CHST15: variants seen among roughly 807,000 people sequenced by gnomAD.
CHST15 encodes carbohydrate sulfotransferase 15.
In CHST15, 30 loss-of-function variants were observed where a neutral mutation model predicts 53.6. That is an observed-to-expected ratio of 0.56 (90% CI 0.42 to 0.76). The LOEUF (loss-of-function observed/expected upper bound fraction) is 0.76. CHST15 is among the 30% of genes least tolerant of loss of function. The probability of loss-of-function intolerance (pLI) is 0.00; values close to 1 mark genes in which losing one functional copy is unlikely to be tolerated. For synonymous variants in CHST15, 296 were observed against 289.8 expected, an observed-to-expected ratio of 1.02 and a Z score of -0.22; for missense variants, 627 against 740.5, an observed-to-expected ratio of 0.85 and a Z score of 1.78.
chr10:124,034,595 C>A (rs533203749), intron 5 of CHST15, among the ~76,000 whole-genome samples: 2 of 141,948 alleles, frequency 1.4e-5, no homozygotes, highest in African/African-American at 2.9e-5. Context: ...GGGACCCTGG[C>A]TCCACCCCCT....
chr10:124,053,444 C>A (rs1352275263), intron 1 of CHST15, among the ~76,000 whole-genome samples: 1 of 152,106 alleles, frequency 6.6e-6, no homozygotes, highest in African/African-American at 2.4e-5. Context: ...CCCGCTGGAT[C>A]CCAGCCAATT....
chr10:124,017,114 A>G (rs1241138661), intron 6 of CHST15, among the ~76,000 whole-genome samples: 2 of 152,142 alleles, frequency 1.3e-5, no homozygotes, highest in African/African-American at 4.8e-5. Context: ...CATATTAGAT[A>G]TTAGCTCTTC....
Position 124,018,094 on chromosome 10 carries a change from G to A in CHST15, c.1347+3162C>T, listed in dbSNP as rs542957273. 2.0e-5 allele frequency among the ~76,000 whole-genome samples: 3 copies of A among 152,368 alleles called. No homozygotes were observed. The East Asian group carries it at 5.8e-4, about 29-fold the overall frequency. On this transcript the variant is annotated intron_variant, in intron 6 of 7. Coordinates refer to ENST00000435907, the MANE Select transcript of CHST15 (RefSeq NM_001270764.2). ...GCACCAAGCTCTTCCTTCCCTGAAA[G>A]GAGGCCCCTATCAAAGATGGGACAA...
At chr10:124,027,971 A>C (rs1055346523) in intron 5 of CHST15, among the ~76,000 whole-genome samples, 4 of 152,228 alleles carry the variant, frequency 2.6e-5, no homozygotes, top group Non-Finnish European at 5.9e-5. Flanking sequence ...TTGTTTGTTT[A>C]GGTGTTTTTA....
Position 124,012,483 on chromosome 10 carries a change from A to G in CHST15, c.1348-3T>C. On this transcript the variant is annotated splice_region_variant and splice_polypyrimidine_tract_variant and intron_variant, in intron 6 of 7. Transcript: ENST00000435907. Reference sequence around the variant, plus strand: ...TAGAGCCCAACCTGGAGCCTCACCTAGGACCACAGAAGAAGGGCATTATTT... The same window carrying G: ...TAGAGCCCAACCTGGAGCCTCACCTGGGACCACAGAAGAAGGGCATTATTT... 1 of 1,609,382 alleles carries G rather than the reference A, an allele frequency of 6.2e-7. No homozygotes were observed. The highest frequency in any genetic ancestry group is 1.1e-5 in the South Asian group (1 of 90,794).
chr10:124,080,831 G>C (rs1279652109), intron 1 of CHST15, among the ~76,000 whole-genome samples: 1 of 152,228 alleles, frequency 6.6e-6, no homozygotes, highest in Non-Finnish European at 1.5e-5. Flanking sequence ...ACTCTTGCCT[G>C]TTTTCCTTTC....
chr10:124,021,227 C>T (rs756347471), intron 6 of CHST15, 29 bp downstream of exon 6: 4 of 255,478 alleles, frequency 1.6e-5, no homozygotes, highest in South Asian at 3.4e-5. Context: ...GGGGCCAGCT[C>T]GGGGGGTACG....
intron 4 of CHST15, among the ~76,000 whole-genome samples, chr10:124,040,725 G>A (rs1054317039): frequency 3.3e-5 from 5 of 152,234 alleles, no homozygotes; most frequent in African/African-American, 1.2e-4. Flanking sequence ...AAAATGAACG[G>A]CCGCAAGGCA....
rs1946930351 is a variant in CHST15, at chr10:124,024,771, A to C, written c.1191-3359T>G. On this transcript the variant is annotated intron_variant, in intron 5 of 7. Transcript: ENST00000435907. This position sits in a 1 kb window ranked among gnomAD's most constrained non-coding sequence, Gnocchi z 4.0. ...CAAAATCAGACACGCGTGAACCTTCAAGCAAGGTTTGGCTGTGTGCACTGA... is the reference window on the plus strand; with the variant it reads ...CAAAATCAGACACGCGTGAACCTTCCAGCAAGGTTTGGCTGTGTGCACTGA... Among the ~76,000 whole-genome samples the C allele has an allele frequency of 6.6e-6, 1 of 152,154 alleles. No individual in the cohort carries two copies. The highest frequency in any genetic ancestry group is 1.5e-5 in the Non-Finnish European group (1 of 68,012).
At chr10:124,057,237 C>A (rs1261071891) in intron 1 of CHST15, among the ~76,000 whole-genome samples, 1 of 152,206 alleles carries the variant, frequency 6.6e-6, no homozygotes, top group East Asian at 1.9e-4. Flanking sequence ...AAGTTAATTT[C>A]TCCTTAATAC....
intron 1 of CHST15, among the ~76,000 whole-genome samples, chr10:124,070,320 T>G (rs754505813): frequency 6.6e-6 from 1 of 152,196 alleles, no homozygotes; most frequent in Non-Finnish European, 1.5e-5. Flanking sequence ...AAGGCCATAT[T>G]TGACCATCAG....
chr10:124,052,756 C>T (rs1948244602), intron 1 of CHST15, among the ~76,000 whole-genome samples: 1 of 152,212 alleles, frequency 6.6e-6, no homozygotes, highest in African/African-American at 2.4e-5. Flanking sequence ...TCTAGCCCGG[C>T]CGGGCGCGGT....
At chr10:124,014,540 T>G (rs996684758) in intron 6 of CHST15, among the ~76,000 whole-genome samples, 9 of 152,242 alleles carry the variant, frequency 5.9e-5, no homozygotes, top group African/African-American at 1.9e-4. Context: ...AACGTGCCGG[T>G]CTCAGAAATA....
chr10:124,089,084 G>A (rs1949526554), intron 1 of CHST15, among the ~76,000 whole-genome samples: 1 of 152,188 alleles, frequency 6.6e-6, no homozygotes, highest in Non-Finnish European at 1.5e-5. Context: ...CCAGCTAAGT[G>A]CAAACATGAT....
At chr10:124,049,714 A>G (rs1036367014) in intron 1 of CHST15, among the ~76,000 whole-genome samples, 8 of 152,342 alleles carry the variant, frequency 5.3e-5, no homozygotes, top group Admixed American at 3.9e-4. Flanking sequence ...CTGTTTCTGC[A>G]TTCTATGCTA....
chr10:124,013,155 T>G (rs968937337), intron 6 of CHST15, among the ~76,000 whole-genome samples: 20 of 152,018 alleles, frequency 1.3e-4, no homozygotes, highest in African/African-American at 4.6e-4. Context: ...CTCCTGGGGG[T>G]GATGTCTGGG....
chr10:124,091,407 C>A (rs1331600259), intron 1 of CHST15, among the ~76,000 whole-genome samples: 1 of 152,134 alleles, frequency 6.6e-6, no homozygotes, highest in Non-Finnish European at 1.5e-5. Context: ...CCAGGAGAAA[C>A]GCTGGGCAAA....
chr10:124,068,240 G>C (rs1948808698), intron 1 of CHST15, among the ~76,000 whole-genome samples: 1 of 152,112 alleles, frequency 6.6e-6, no homozygotes. Flanking sequence ...ACCAGGACAT[G>C]GGTTATCTAG....
rs978381440 is a variant in CHST15 at position 124,021,532 on chromosome 10, C to T, written c.1191-120G>A. 5 of 1,474,888 alleles carry T rather than the reference C, an allele frequency of 3.4e-6. No individual in the cohort carries two copies. The East Asian group carries it at 9.8e-5, about 29-fold the overall frequency. The allele number at this position is 1,474,888 out of a possible 1,614,324, so 91.4% of individuals were successfully genotyped here. A position where few individuals can be genotyped will look rare whatever the true frequency, so the allele number is the denominator to read the frequency against. Reference sequence around the variant, plus strand: ...AGTTTTCCTGATTGAAGCACAACCACCCTTCTTCTTTCCCTTGCAGATGAG... The same window carrying T: ...AGTTTTCCTGATTGAAGCACAACCATCCTTCTTCTTTCCCTTGCAGATGAG... On this transcript the variant is annotated intron_variant, in intron 5 of 7. Transcript: ENST00000435907.
Sources: gnomAD v4.1 joint callset for allele counts (sites outside exome capture counted in the v4.1 genomes callset) on GRCh38, gnomAD v4.1.1 for gene constraint, Gnocchi (gnomAD v3.1) non-coding constraint, MANE v1.5 for transcripts, NCBI Gene and HGNC (gene_info 2026-07-23, HGNC 2026-07-21) for gene names.